Variants in DRD2 observed in about 807,000 individuals in gnomAD.
DRD2 encodes the protein D(2) dopamine receptor.
A neutral mutation model predicts 38.0 loss-of-function variants in DRD2; 8 were observed. That is an observed-to-expected ratio of 0.21 (90% CI 0.12 to 0.38). The LOEUF is 0.38. DRD2 is among the 10% of genes least tolerant of loss of function. The probability of loss-of-function intolerance (pLI) is 1.00; values close to 1 mark genes in which losing one functional copy is unlikely to be tolerated. For missense variants in DRD2, 403 were observed against 607.7 expected (o/e 0.66, Z 3.54); for synonymous variants, 230 against 238.6 (o/e 0.96, Z 0.33).
chr11:113,462,997 A>G (rs1951337331), intron 1 of DRD2, among the ~76,000 whole-genome samples: 1 of 152,042 alleles, frequency 6.6e-6, no homozygotes, highest in South Asian at 2.1e-4. Flanking sequence ...ATTAAAGACA[A>G]TAGCACAGCA....
chr11:113,417,853 C>G (rs1950841672), intron 3 of DRD2, among the ~76,000 whole-genome samples, 174 bp downstream of exon 3: 1 of 152,144 alleles, frequency 6.6e-6, no homozygotes, highest in Admixed American at 6.5e-5. Flanking sequence ...AGTGTGTGCT[C>G]TCCTAGCCAA....
At chr11:113,444,759 G>T (rs1411018138) in intron 1 of DRD2, among the ~76,000 whole-genome samples, 1 of 152,214 alleles carries the variant, frequency 6.6e-6, no homozygotes, top group Non-Finnish European at 1.5e-5. Flanking sequence ...AACAAGAGAG[G>T]CAAGCTCCAT....
intron 1 of DRD2, among the ~76,000 whole-genome samples, chr11:113,428,235 A>C (rs560774660): frequency 6.6e-6 from 1 of 152,314 alleles, no homozygotes; most frequent in Non-Finnish European, 1.5e-5. Context: ...CAGGATCAAG[A>C]TGTGCAAAGA....
At chr11:113,454,379 C>CAT (rs1175184335) in intron 1 of DRD2, among the ~76,000 whole-genome samples, 2 of 151,604 alleles carry the variant, frequency 1.3e-5, no homozygotes, top group East Asian at 1.9e-4. Flanking sequence ...TATATATATA[C>CAT]ATATATATAT....
intron 1 of DRD2, among the ~76,000 whole-genome samples, chr11:113,436,859 T>G (rs1331075251): frequency 3.3e-5 from 5 of 152,172 alleles, no homozygotes; most frequent in African/African-American, 1.2e-4. Context: ...CAAGTTCTCT[T>G]ATTATGAACA....
At chr11:113,449,348 G>T (rs572413923) in intron 1 of DRD2, among the ~76,000 whole-genome samples, 2 of 152,306 alleles carry the variant, frequency 1.3e-5, no homozygotes, top group East Asian at 3.9e-4. Flanking sequence ...ATATTGTAAA[G>T]TTGAGGCATG....
At chr11:113,435,668 C>T (rs1951029110) in intron 1 of DRD2, among the ~76,000 whole-genome samples, 2 of 150,528 alleles carry the variant, frequency 1.3e-5, no homozygotes, top group African/African-American at 4.9e-5. Flanking sequence ...TCAATTTGCC[C>T]CCACAAAGAA....
intron 1 of DRD2, among the ~76,000 whole-genome samples, chr11:113,425,933 C>T (rs2138182674): frequency 6.6e-6 from 1 of 152,040 alleles, no homozygotes; most frequent in Middle Eastern, 3.4e-3. Context: ...CATTTACAGG[C>T]CAGATTGTGT....
At chr11:113,414,329 T>A (rs750121895) in intron 6 of DRD2, 46 bp downstream of exon 6, 2 of 1,581,286 alleles carry the variant, frequency 1.3e-6, no homozygotes, top group Non-Finnish European at 1.7e-6. Context: ...TGGGCTTCCC[T>A]AGGGGCAGAA....
Position 113,412,772 on chromosome 11 carries a change from G to A in DRD2, c.922C>T (p.Pro308Ser), listed in dbSNP as rs200829286. Residue 308 changes from proline to serine, a missense_variant, in exon 7 of 8, where the codon CCC becomes TCC. Pro to Ser is a moderately conservative substitution (Grantham distance 74). Transcript: ENST00000362072. ...IPPSHHQLTL[P>S]DPSHHGLHST... ...TGGAGACCATGGTGGGACGGGTCGG[G>A]GAGAGTCAGCTGGTGGTGGCTGGGT... 6 of 1,613,684 alleles carry A rather than the reference G, an allele frequency of 3.7e-6. No individual in the cohort carries two copies. Among genetic ancestry groups the A allele is most frequent in the Non-Finnish European group, 5.1e-6 (6 of 1,179,748 alleles).
chr11:113,413,961 T>C, intron 6 of DRD2: 1 of 330,844 alleles, frequency 3.0e-6, no homozygotes, highest in South Asian at 2.5e-5. Flanking sequence ...GGGCTTAGTG[T>C]CACCAACTCT....
rs181285499 is a variant in DRD2, at chr11:113,423,282, T to A, written c.285+1085A>T. ...TTTTGTTTTTGTTTTAATTTAATTT[T>A]ATTTTTTTTTTGAGACAGAGTCTTG... On this transcript the variant is annotated intron_variant, in intron 2 of 7. Transcript: ENST00000362072. 9.5e-3 allele frequency among the ~76,000 whole-genome samples: 1,101 copies of A among 116,488 alleles called. 6 individuals are homozygous for A. Among genetic ancestry groups the A allele is most frequent in the African/African-American group, 0.026 (1,044 of 39,594 alleles). The allele number at this position is 116,488 out of a possible 152,430, so 76.4% of individuals were successfully genotyped here.
chr11:113,466,826 C>G (rs1296453076), intron 1 of DRD2, among the ~76,000 whole-genome samples: 2 of 152,196 alleles, frequency 1.3e-5, no homozygotes, highest in Non-Finnish European at 2.9e-5. Flanking sequence ...AAGCATGAGA[C>G]AAATTCTCTG....
chr11:113,442,169 G>A (rs527695992), intron 1 of DRD2, among the ~76,000 whole-genome samples: 2 of 152,112 alleles, frequency 1.3e-5, no homozygotes, highest in Non-Finnish European at 2.9e-5. Flanking sequence ...AGACCCCAAG[G>A]CTTTGGCAGA....
intron 1 of DRD2, among the ~76,000 whole-genome samples, chr11:113,465,716 C>T (rs1372211541): frequency 6.6e-6 from 1 of 152,194 alleles, no homozygotes; most frequent in Non-Finnish European, 1.5e-5. Flanking sequence ...GTCCAGCTCT[C>T]CTACTTCTCT....
At chr11:113,429,064 C>T (rs976647028) in intron 1 of DRD2, among the ~76,000 whole-genome samples, 13 of 152,164 alleles carry the variant, frequency 8.5e-5, no homozygotes, top group Non-Finnish European at 1.9e-4. Flanking sequence ...AAAGGCCTCA[C>T]ACATTTGATT....
intron 1 of DRD2, among the ~76,000 whole-genome samples, chr11:113,447,091 G>A (rs1951157886): frequency 6.6e-6 from 1 of 150,918 alleles, no homozygotes; most frequent in Non-Finnish European, 1.5e-5. Flanking sequence ...GGATCCTCTA[G>A]CATGTCATAG....
chr11:113,411,347 G>A (rs1290905231), intron 7 of DRD2, among the ~76,000 whole-genome samples: 1 of 152,132 alleles, frequency 6.6e-6, no homozygotes, highest in Non-Finnish European at 1.5e-5. Context: ...ATATACCCAA[G>A]GTCATTCACT....
At chr11:113,414,511 G>T in intron 5 of DRD2, 50 bp from the exon 6 acceptor site, 4 of 1,606,022 alleles carry the variant, frequency 2.5e-6, no homozygotes, top group Non-Finnish European at 3.4e-6. Flanking sequence ...GGGATGGAGG[G>T]GGGACAGAAA....
Sources: gnomAD v4.1 joint callset for allele counts (sites outside exome capture counted in the v4.1 genomes callset) on GRCh38, gnomAD v4.1.1 for gene constraint, MANE v1.5 for transcripts, NCBI Gene and HGNC (gene_info 2026-07-23, HGNC 2026-07-21) for gene names.